EEA1: variants seen among roughly 807,000 people sequenced by gnomAD.
EEA1 encodes the protein early endosome antigen 1, also known as early endosome antigen 1, 162kD.
EEA1 carries 111 observed loss-of-function variants against 209.2 expected under a neutral mutation model. The observed-to-expected ratio is 0.53, with a 90% CI of 0.45 to 0.62. EEA1 has a LOEUF of 0.62. Ranked by LOEUF, EEA1 falls within the 20% of genes least tolerant of loss-of-function variation. The pLI, the probability that EEA1 is intolerant of heterozygous loss-of-function variation, is 0.00. For synonymous variants in EEA1, 536 were observed against 540.6 expected (o/e 0.99, Z 0.12); for missense variants, 1,343 against 1,530.8 (o/e 0.88, Z 2.05).
chr12:92,835,242 G>A (rs1876864075), intron 10 of EEA1, among the ~76,000 whole-genome samples: 1 of 151,838 alleles, frequency 6.6e-6, no homozygotes, highest in African/African-American at 2.4e-5. Context: ...ATGCAACCAT[G>A]TTCACATACA....
At chr12:92,806,869 T>C (rs1286746929) in intron 18 of EEA1, among the ~76,000 whole-genome samples, 1 of 152,076 alleles carries the variant, frequency 6.6e-6, no homozygotes, top group Non-Finnish European at 1.5e-5. Context: ...AAAATCCATA[T>C]GATCACATCA....
chr12:92,891,507 T>C, intron 2 of EEA1, 122 bp downstream of exon 2: 1 of 725,030 alleles, frequency 1.4e-6, no homozygotes, highest in Non-Finnish European at 2.2e-6. Context: ...AAAAGTCACA[T>C]TCCAACTTTT....
intron 1 of EEA1, among the ~76,000 whole-genome samples, chr12:92,902,995 C>T (rs1354544339): frequency 6.0e-5 from 9 of 149,268 alleles, no homozygotes; most frequent in Non-Finnish European, 1.0e-4. Context: ...AGTGCAGCGG[C>T]GCGATCTTGA....
chr12:92,789,571 G>A (rs1281968764), intron 21 of EEA1, among the ~76,000 whole-genome samples: 1 of 152,104 alleles, frequency 6.6e-6, no homozygotes, highest in Admixed American at 6.5e-5. Flanking sequence ...GCTCGGAGAG[G>A]GGGGTCTGCC....
At chr12:92,913,152 T>A (rs973287360) in intron 1 of EEA1, among the ~76,000 whole-genome samples, 1 of 152,232 alleles carries the variant, frequency 6.6e-6, no homozygotes. Context: ...TAATTTACAT[T>A]CCCATCAACA....
intron 2 of EEA1, among the ~76,000 whole-genome samples, chr12:92,877,413 G>A (rs7964613): frequency 0.61 from 93,110 of 151,942 alleles, 29,359 homozygotes; most frequent in East Asian, 0.94. Flanking sequence ...TAATATGTGA[G>A]GGTTAATGAT....
At chr12:92,884,110 A>G in intron 2 of EEA1, 1 of 1,212,934 alleles carries the variant, frequency 8.2e-7, no homozygotes, top group Non-Finnish European at 1.2e-6. Flanking sequence ...TGGTGGCATT[A>G]AACAATGAAG....
intron 3 of EEA1, among the ~76,000 whole-genome samples, chr12:92,857,785 C>T (rs1052296507): frequency 1.3e-5 from 2 of 152,184 alleles, no homozygotes; most frequent in African/African-American, 4.8e-5. Context: ...TAACAATAAG[C>T]ATCAATGGCT....
Position 92,857,507 on chromosome 12 carries a change from GAATT to G in EEA1, c.246-26_246-23del, listed in dbSNP as rs1258224659. On this transcript the variant is annotated intron_variant, in intron 3 of 28. Transcript: ENST00000322349. ...ATCTCTAAATAAAAATGGGAGGAAG[GAATT>G]AATAGTCAATGTCCTTTAATTAACA... The G allele has an allele frequency of 2.6e-6, 4 of 1,520,240 alleles. No individual in the cohort carries two copies. The African/African-American group carries it at 4.2e-5, about 16-fold the overall frequency. 94.2% of individuals were successfully genotyped at this position (1,520,240 alleles called of 1,614,324 possible). A position where few individuals can be genotyped will look rare whatever the true frequency, so the allele number is the denominator to read the frequency against.
chr12:92,913,010 G>A (rs1462660747), intron 1 of EEA1, among the ~76,000 whole-genome samples: 1 of 152,194 alleles, frequency 6.6e-6, no homozygotes, highest in Non-Finnish European at 1.5e-5. Context: ...ATAGCCATGT[G>A]CAGCTGTCTT....
intron 7 of EEA1, 64 bp downstream of exon 7, chr12:92,852,848 G>C (rs1877690914): frequency 9.4e-7 from 1 of 1,067,796 alleles, no homozygotes; most frequent in Non-Finnish European, 1.4e-6. Flanking sequence ...TTATTGCTAG[G>C]GTATATAATG....
At chr12:92,867,865 TGAGA>T (rs3064992) in intron 2 of EEA1, among the ~76,000 whole-genome samples, 9 of 151,706 alleles carry the variant, frequency 5.9e-5, no homozygotes, top group Non-Finnish European at 1.0e-4. Flanking sequence ...TATGTGTGTG[TGAGA>T]GAGAGAGAGA....
At chr12:92,901,956 T>C (rs1880161220) in intron 1 of EEA1, among the ~76,000 whole-genome samples, 1 of 152,214 alleles carries the variant, frequency 6.6e-6, no homozygotes, top group Non-Finnish European at 1.5e-5. Flanking sequence ...AAATAAAGCA[T>C]ATAAAGCATT....
At chr12:92,892,794 T>C (rs1192642737) in intron 1 of EEA1, among the ~76,000 whole-genome samples, 3 of 151,964 alleles carry the variant, frequency 2.0e-5, no homozygotes, top group African/African-American at 4.8e-5. Context: ...TGCAGCTAAA[T>C]TTTTTTTGTA....
At chr12:92,888,520 T>A (rs1000973167) in intron 2 of EEA1, among the ~76,000 whole-genome samples, 1 of 150,158 alleles carries the variant, frequency 6.7e-6, no homozygotes, top group African/African-American at 2.5e-5. Flanking sequence ...GAGCTTACAG[T>A]GAGCCGAGAT....
chr12:92,824,316 T>C (rs1876195389), intron 13 of EEA1, among the ~76,000 whole-genome samples: 5 of 152,226 alleles, frequency 3.3e-5, no homozygotes, highest in Admixed American at 3.3e-4. Context: ...TTTTAGCTAA[T>C]TTCTATGCTT....
intron 10 of EEA1, among the ~76,000 whole-genome samples, chr12:92,839,357 C>A (rs7132685): frequency 0.96 from 146,012 of 152,304 alleles, 70,043 homozygotes; most frequent in East Asian, 1. Flanking sequence ...TCCACATTGT[C>A]ACTAACTTTT....
intron 18 of EEA1, among the ~76,000 whole-genome samples, chr12:92,807,342 TTAA>T (rs1467604541): frequency 1.3e-5 from 2 of 152,136 alleles, no homozygotes; most frequent in Non-Finnish European, 2.9e-5. Context: ...AACCTCAAAC[TTAA>T]TGATGAAACA....
intron 14 of EEA1, among the ~76,000 whole-genome samples, chr12:92,818,698 ACT>A (rs1231847031): frequency 6.6e-6 from 1 of 152,104 alleles, no homozygotes. Flanking sequence ...TTAGATAATA[ACT>A]CTCTTATTAC....
Sources: gnomAD v4.1 joint callset for allele counts (sites outside exome capture counted in the v4.1 genomes callset) on GRCh38, gnomAD v4.1.1 for gene constraint, MANE v1.5 for transcripts, NCBI Gene and HGNC (gene_info 2026-07-23, HGNC 2026-07-21) for gene names.